The following PTPRG variants were observed in gnomAD, a reference collection of about 807,000 sequenced individuals.
PTPRG encodes the protein protein tyrosine phosphatase receptor type G.
A neutral mutation model predicts 165.3 loss-of-function variants in PTPRG; 102 were observed. That is an observed-to-expected ratio of 0.62 (90% CI 0.53 to 0.73). The LOEUF is 0.73. PTPRG is among the 30% of genes least tolerant of loss of function. The pLI, the probability that PTPRG is intolerant of heterozygous loss-of-function variation, is 0.00. For synonymous variants in PTPRG, 675 were observed against 669.5 expected, an observed-to-expected ratio of 1.01 and a Z score of -0.13; for missense variants, 1,866 against 1,861.4, an observed-to-expected ratio of 1.00 and a Z score of -0.05.
intron 1 of PTPRG, among the ~76,000 whole-genome samples, chr3:61,662,813 T>A (rs1301505310): frequency 6.6e-6 from 1 of 152,164 alleles, no homozygotes; most frequent in East Asian, 1.9e-4. Flanking sequence ...AGTAGCATTT[T>A]AAAAAGGCCT....
At chr3:62,146,575 T>G (rs1490702739) in intron 6 of PTPRG, among the ~76,000 whole-genome samples, 5 of 151,118 alleles carry the variant, frequency 3.3e-5, no homozygotes, top group Non-Finnish European at 5.9e-5. Flanking sequence ...ATTCCATACC[T>G]CCATCACTGC....
At chr3:61,569,939 G>A (rs1700017141) in intron 1 of PTPRG, among the ~76,000 whole-genome samples, 1 of 152,208 alleles carries the variant, frequency 6.6e-6, no homozygotes, top group Non-Finnish European at 1.5e-5. Context: ...AATGCTTTCT[G>A]TGGGCTTAAA....
chr3:61,916,396 T>C (rs1018778294), intron 2 of PTPRG, among the ~76,000 whole-genome samples: 4 of 152,200 alleles, frequency 2.6e-5, no homozygotes, highest in African/African-American at 9.6e-5. Context: ...ATTTTCGTGT[T>C]AGATGGCACC....
chr3:62,053,777 A>G (rs1424176053), intron 4 of PTPRG, among the ~76,000 whole-genome samples: 2 of 152,260 alleles, frequency 1.3e-5, no homozygotes, highest in East Asian at 1.9e-4. Flanking sequence ...AATGTAAACT[A>G]AAATATAGAT....
At chr3:62,104,240 A>G (rs1702395659) in intron 5 of PTPRG, among the ~76,000 whole-genome samples, 1 of 152,084 alleles carries the variant, frequency 6.6e-6, no homozygotes, top group East Asian at 1.9e-4. Context: ...CAACTCATGG[A>G]CTCAGGCACA....
At chr3:62,104,944 A>C (rs988156836) in intron 5 of PTPRG, among the ~76,000 whole-genome samples, 3 of 152,198 alleles carry the variant, frequency 2.0e-5, no homozygotes, top group African/African-American at 7.2e-5. Flanking sequence ...GCTTATATCT[A>C]GGTAATAGGA....
At chr3:62,030,973 A>G (rs953788989) in intron 4 of PTPRG, among the ~76,000 whole-genome samples, 1 of 152,230 alleles carries the variant, frequency 6.6e-6, no homozygotes, top group South Asian at 2.1e-4. Context: ...AACCAATTGC[A>G]CTATTGTAAG....
At chr3:61,909,689 A>C (rs978533691) in intron 2 of PTPRG, among the ~76,000 whole-genome samples, 2 of 149,580 alleles carry the variant, frequency 1.3e-5, no homozygotes, top group African/African-American at 5.1e-5. Context: ...TCTGACCTCA[A>C]CTGAAGTTTT....
chr3:62,087,871 T>G (rs527298677), intron 5 of PTPRG, among the ~76,000 whole-genome samples: 1 of 152,360 alleles, frequency 6.6e-6, no homozygotes, highest in East Asian at 1.9e-4. Context: ...TTCTTCTTTT[T>G]GTCCATAGTT....
intron 1 of PTPRG, among the ~76,000 whole-genome samples, chr3:61,614,413 A>G (rs1440871326): frequency 3.2e-5 from 3 of 94,966 alleles, no homozygotes; most frequent in African/African-American, 1.1e-4. Context: ...TGACTTTAAT[A>G]ATACCTTTTT....
intron 2 of PTPRG, among the ~76,000 whole-genome samples, chr3:61,785,766 A>C (rs541395876): frequency 1.4e-4 from 21 of 152,300 alleles, no homozygotes; most frequent in Non-Finnish European, 2.1e-4. Context: ...AACAATAGAG[A>C]ACTCATAAGC....
chr3:61,959,288 G>A (rs1416727172), intron 2 of PTPRG, among the ~76,000 whole-genome samples: 1 of 152,122 alleles, frequency 6.6e-6, no homozygotes, highest in Non-Finnish European at 1.5e-5. Context: ...TCTAAGAGAG[G>A]CTCACCTGAT....
intron 17 of PTPRG, chr3:62,263,158 G>A (rs996228107): frequency 2.6e-5 from 9 of 349,454 alleles, no homozygotes; most frequent in African/African-American, 4.3e-5. Flanking sequence ...CACATGAAGT[G>A]ATGTCATATC....
chr3:62,250,740 C>T lies in PTPRG; in HGVS notation c.2468-4384C>T, dbSNP rs138006367. Among the ~76,000 whole-genome samples the T allele has an allele frequency of 4.2e-3, 643 of 152,280 alleles. 2 individuals carry two copies. The highest frequency in any genetic ancestry group is 0.031 in the Middle Eastern group (9 of 294). On this transcript the variant is annotated intron_variant, in intron 15 of 29. Coordinates refer to ENST00000474889, the MANE Select transcript of PTPRG (RefSeq NM_002841.4). The stretch of plus-strand genomic sequence containing the variant: ...GTTGCATTTGAGGTCAGCGTTATCT[C>T]AGCTTTGGTGTTTTCTTCTCAGTAG...
chr3:62,277,991 T>G (rs1343743898), intron 26 of PTPRG, among the ~76,000 whole-genome samples: 1 of 152,148 alleles, frequency 6.6e-6, no homozygotes, highest in Non-Finnish European at 1.5e-5. Context: ...ACCTCTTCCC[T>G]GCTGTATGTC....
intron 1 of PTPRG, chr3:61,742,565 T>G (rs1038605400): frequency 3.5e-5 from 56 of 1,594,130 alleles, no homozygotes; most frequent in Non-Finnish European, 4.5e-5. Flanking sequence ...AGGTGAATGT[T>G]ATACACAAGC....
intron 2 of PTPRG, among the ~76,000 whole-genome samples, chr3:61,853,251 C>A (rs1252654452): frequency 6.6e-6 from 1 of 152,170 alleles, no homozygotes; most frequent in Non-Finnish European, 1.5e-5. Flanking sequence ...CCCCCATAAT[C>A]CCCACTTCCA....
rs1699774893 is a variant in PTPRG, at chr3:61,562,247, T to G, written c.-41T>G. ...GGAGGCAAGAACTTATTCAACAAGTTTACCTCCCTGCTTTCCTCTTTTCGA... is the reference window on the plus strand; with the variant it reads ...GGAGGCAAGAACTTATTCAACAAGTGTACCTCCCTGCTTTCCTCTTTTCGA... On this transcript the variant is annotated 5_prime_UTR_variant, in exon 1 of 30. Coordinates refer to ENST00000474889, the MANE Select transcript of PTPRG (RefSeq NM_002841.4). 2 of 1,582,150 alleles carry G rather than the reference T, an allele frequency of 1.3e-6. No homozygotes were observed. The highest frequency in any genetic ancestry group is 8.7e-7 in the Non-Finnish European group (1 of 1,151,150).
chr3:62,281,068 C>A (rs1702414274), intron 26 of PTPRG, among the ~76,000 whole-genome samples: 1 of 152,002 alleles, frequency 6.6e-6, no homozygotes, highest in Admixed American at 6.6e-5. Context: ...ATTATAGTAA[C>A]CTTTTTACTA....
Sources: allele counts gnomAD v4.1 joint callset (sites outside exome capture counted in the v4.1 genomes callset), GRCh38; gene constraint gnomAD v4.1.1; transcripts MANE v1.5; gene names NCBI Gene and HGNC (gene_info 2026-07-23, HGNC 2026-07-21).